Variants in MST1R observed in about 807,000 individuals in gnomAD.
MST1R encodes macrophage-stimulating protein receptor.
In MST1R, 99 loss-of-function variants were observed where a neutral mutation model predicts 117.8. That is an observed-to-expected ratio of 0.84 (90% CI 0.71 to 0.99). The LOEUF (loss-of-function observed/expected upper bound fraction) is 0.99, where lower values mean the gene tolerates loss of function less well. Among genes scored for constraint, MST1R ranks in the 50% least tolerant of loss-of-function variants. The pLI is 0.00. For missense variants in MST1R, 1,683 were observed against 1,840.2 expected (o/e 0.91, Z 1.56); for synonymous variants, 734 against 765.3 (o/e 0.96, Z 0.68).
chr3:49,891,916 C>G, intron 14 of MST1R, 78 bp from the exon 15 acceptor site: 1 of 1,192,834 alleles, frequency 8.4e-7, no homozygotes, highest in Non-Finnish European at 1.3e-6. Flanking sequence ...CATTGGCAAC[C>G]AGACCTCAGA....
At chr3:49,895,630 T>A in intron 12 of MST1R, 82 bp from the exon 13 acceptor site, 1 of 1,611,620 alleles carries the variant, frequency 6.2e-7, no homozygotes, top group Non-Finnish European at 8.5e-7. Context: ...GATCCCTAAG[T>A]CCTGGGCAGA....
At chr3:49,891,884 C>T (rs1196069218) in intron 14 of MST1R, 46 bp from the exon 15 acceptor site, 1 of 1,533,468 alleles carries the variant, frequency 6.5e-7, no homozygotes, top group Admixed American at 1.7e-5. Flanking sequence ...ATCCAGGGCC[C>T]AAGGCTCACA....
intron 5 of MST1R, 47 bp from the exon 6 acceptor site, chr3:49,897,732 C>A: frequency 1.3e-6 from 2 of 1,548,018 alleles, no homozygotes; most frequent in South Asian, 1.2e-5. Context: ...ATTACACAGG[C>A]CTAGATGCAT....
rs2082771397 is a variant in MST1R, at chr3:49,903,642, C to CGGCCTG, written c.-39_-34dup. 3 of 1,534,518 alleles carry CGGCCTG rather than the reference C, an allele frequency of 2.0e-6. No homozygotes were observed. Among genetic ancestry groups the CGGCCTG allele is most frequent in the East Asian group, 2.3e-5 (1 of 44,402 alleles). The stretch of plus-strand genomic sequence containing the variant: ...AGCTGGGACCCTAGAGGATCCCTAC[C>CGGCCTG]GGCCTGGGCCTGGACCTGGGCGTGG... On this transcript the variant is annotated 5_prime_UTR_variant, in exon 1 of 20. Transcript: ENST00000296474.
chr3:49,890,659 T>TA lies in MST1R; in HGVS notation c.3645-10dup. ...TGAATGACTCGTCCAGCCTTAGGGG[T>TA]AGGGAGAGGATCACACTTAGGACTG... On this transcript the variant is annotated splice_polypyrimidine_tract_variant and intron_variant, in intron 17 of 19. Coordinates refer to ENST00000296474, the MANE Select transcript of MST1R (RefSeq NM_002447.4). 6.2e-7 allele frequency: 1 copy of TA among 1,605,678 alleles called. No individual in the cohort carries two copies.
Position 49,887,078 on chromosome 3 carries a change from G to C in MST1R, c.*229C>G. Reference sequence around the variant, plus strand: ...GTGTGGTCACTGCTGAGTCCACTGTGCCCAGAAGACAGGGTCCACAGCAGG... The same window carrying C: ...GTGTGGTCACTGCTGAGTCCACTGTCCCCAGAAGACAGGGTCCACAGCAGG... On this transcript the variant is annotated 3_prime_UTR_variant, in exon 20 of 20. Coordinates refer to ENST00000296474, the MANE Select transcript of MST1R (RefSeq NM_002447.4). 4 of 608,520 alleles carry C rather than the reference G, an allele frequency of 6.6e-6. No individual in the cohort carries two copies. The highest frequency in any genetic ancestry group is 1.2e-5 in the Non-Finnish European group (4 of 345,162). 37.7% of individuals were successfully genotyped at this position (608,520 alleles called of 1,614,324 possible).
Position 49,887,137 on chromosome 3 carries a change from A to T in MST1R, c.*170T>A. The T allele has an allele frequency of 1.1e-6, 1 of 882,128 alleles. No individual in the cohort carries two copies. The highest frequency in any genetic ancestry group is 1.7e-6 in the Non-Finnish European group (1 of 572,436). The allele number at this position is 882,128 out of a possible 1,614,324, so 54.6% of individuals were successfully genotyped here. A position where few individuals can be genotyped will look rare whatever the true frequency, so the allele number is the denominator to read the frequency against. On this transcript the variant is annotated 3_prime_UTR_variant, in exon 20 of 20. Coordinates refer to ENST00000296474, the MANE Select transcript of MST1R (RefSeq NM_002447.4). The stretch of plus-strand genomic sequence containing the variant: ...AAATACATGTTGCAGGACTGCCCTC[A>T]CTGGCTCACTCTGTGGAGTGAGGGA...
intron 15 of MST1R, 68 bp from the exon 16 acceptor site, chr3:49,891,648 A>C (rs959254883): frequency 6.2e-7 from 1 of 1,609,496 alleles, no homozygotes; most frequent in Non-Finnish European, 8.5e-7. Flanking sequence ...GGGAAATGGG[A>C]AATGAAGGTC....
Position 49,898,703 on chromosome 3 carries a change from C to G in MST1R, c.1549-15G>C. ...ACCTGGAAAACCTGTGGGTGAAAGACAGGTGACTCAGGGGTGCCTGGAGGG... is the reference window on the plus strand; with the variant it reads ...ACCTGGAAAACCTGTGGGTGAAAGAGAGGTGACTCAGGGGTGCCTGGAGGG... On this transcript the variant is annotated splice_polypyrimidine_tract_variant and intron_variant, in intron 3 of 19. Transcript: ENST00000296474. The G allele has an allele frequency of 6.2e-7, 1 of 1,613,432 alleles. No homozygotes were observed. Among genetic ancestry groups the G allele is most frequent in the Non-Finnish European group, 8.5e-7 (1 of 1,179,640 alleles).
chr3:49,895,009 C>T (rs2082419688), intron 14 of MST1R, among the ~76,000 whole-genome samples, 158 bp downstream of exon 14: 2 of 152,110 alleles, frequency 1.3e-5, no homozygotes, highest in South Asian at 2.1e-4. Flanking sequence ...GACGGGGTTT[C>T]ACTGTGTTAG....
At chr3:49,891,973 T>C in intron 14 of MST1R, 135 bp from the exon 15 acceptor site, 1 of 648,938 alleles carries the variant, frequency 1.5e-6, no homozygotes, top group Admixed American at 3.2e-5. Context: ...TAATTTTTAT[T>C]TATTTTTTTT....
intron 1 of MST1R, among the ~76,000 whole-genome samples, chr3:49,899,948 G>A (rs1046647705): frequency 6.6e-6 from 1 of 152,124 alleles, no homozygotes; most frequent in Non-Finnish European, 1.5e-5. Flanking sequence ...AGACCCTCAA[G>A]AGGAGAGCCC....
rs765385133 is a variant in MST1R at position 49,895,315 on chromosome 3, G to A, written c.3123C>T (p.Ser1041=). Residue 1041 remains serine, a synonymous_variant, in exon 14 of 20, where the codon TCC becomes TCT. Coordinates refer to ENST00000296474, the MANE Select transcript of MST1R (RefSeq NM_002447.4). ...STTCVHGASF[S]DSEDESCVPL... is the part of the protein sequence containing the mutation. ...GCACACAGGATTCATCTTCACTATC[G>A]GAGAAGGATGCTCCATGGACACAAG... 2.5e-5 allele frequency: 40 copies of A among 1,614,082 alleles called. No homozygotes were observed. Among genetic ancestry groups the A allele is most frequent in the Middle Eastern group, 1.6e-4 (1 of 6,084 alleles).
Position 49,903,059 on chromosome 3 carries a change from G to T in MST1R, c.551C>A (p.Thr184Asn). The T allele has an allele frequency of 1.2e-6, 2 of 1,610,278 alleles. No homozygotes were observed. Among genetic ancestry groups the T allele is most frequent in the South Asian group, 1.1e-5 (1 of 91,088 alleles). Residue 184 changes from threonine to asparagine, a missense_variant, in exon 1 of 20, where the codon ACC (threonine) becomes AAC (asparagine). Thr to Asn is a moderately conservative substitution (Grantham distance 65). Transcript: ENST00000296474. ...GCCTTGCTCAACCACAGTTACACGGGTGCCCAATGGGCTGGCCACACAGTC... is the reference window on the plus strand; with the variant it reads ...GCCTTGCTCAACCACAGTTACACGGTTGCCCAATGGGCTGGCCACACAGTC... ...CPDCVASPLGTRVTVVEQGQA... is the reference protein window; with the variant it reads ...CPDCVASPLGNRVTVVEQGQA...
rs1382976247 is a variant in MST1R, at chr3:49,902,681, C to T, written c.929G>A (p.Gly310Glu). 1.1e-5 allele frequency: 18 copies of T among 1,613,316 alleles called. No individual in the cohort carries two copies. The highest frequency in any genetic ancestry group is 1.4e-5 in the Non-Finnish European group (17 of 1,180,026). ...GTAGGGCTGTCCGCCTTCTGGGGCCCCCCGGCGCCTGCGTTTTGGAGCAAA... is the reference window on the plus strand; with the variant it reads ...GTAGGGCTGTCCGCCTTCTGGGGCCTCCCGGCGCCTGCGTTTTGGAGCAAA... ...CRFAPKRRRRGAPEGGQPYPV... is the reference protein window; with the variant it reads ...CRFAPKRRRREAPEGGQPYPV... The change falls in exon 1 of 20, where the codon GGG becomes GAG. Residue 310 changes from glycine (G) to glutamate (E), a missense_variant. Physicochemically the swap from Gly to Glu is moderately conservative, Grantham distance 98. Coordinates refer to ENST00000296474, the MANE Select transcript of MST1R (RefSeq NM_002447.4).
At chr3:49,894,011 C>T (rs1350237102) in intron 14 of MST1R, among the ~76,000 whole-genome samples, 27 of 149,832 alleles carry the variant, frequency 1.8e-4, no homozygotes, top group Admixed American at 1.5e-3. Flanking sequence ...GTCAGGAGTT[C>T]GAGACCGGCC....
Position 49,896,065 on chromosome 3 carries a change from C to T in MST1R, c.2692G>A (p.Val898Met), listed in dbSNP as rs1031624199. The T allele has an allele frequency of 1.1e-5, 17 of 1,611,500 alleles. 1 individual carries two copies. Among genetic ancestry groups the T allele is most frequent in the South Asian group, 5.5e-5 (5 of 90,672 alleles). ...TGGCAGCTCTCACCACCCACGGTCA[C>T]GTTGATACCCACACAGTCAGCCACA... is the stretch of plus-strand genomic sequence containing the variant. ...GAVADCVGINVTVGGESCQHE... is the reference protein window; with the variant it reads ...GAVADCVGINMTVGGESCQHE... Residue 898 changes from valine to methionine, a missense_variant, in exon 11 of 20, where the codon GTG becomes ATG. Physicochemically the swap from Val to Met is conservative, Grantham distance 21 (BLOSUM62 1). Coordinates refer to ENST00000296474, the MANE Select transcript of MST1R (RefSeq NM_002447.4).
rs1171048505 is a variant in MST1R at position 49,898,041 on chromosome 3, C to T, written c.1880+10G>A. 2 of 1,613,962 alleles carry T rather than the reference C, an allele frequency of 1.2e-6. No individual in the cohort carries two copies. Among genetic ancestry groups the T allele is most frequent in the Non-Finnish European group, 1.7e-6 (2 of 1,180,042 alleles). On this transcript the variant is annotated intron_variant, in intron 5 of 19. Transcript: ENST00000296474. ...CTTCAGGGAAAGGGAGGGGAGGGAC[C>T]AGATTGTACCTGAGTTTTGAGCTGT...
Position 49,902,938 on chromosome 3 carries a change from G to A in MST1R, c.672C>T (p.Asp224=), listed in dbSNP as rs201910184. The change falls in exon 1 of 20, where the codon GAC becomes GAT. Residue 224 remains aspartate, a synonymous_variant. Coordinates refer to ENST00000296474, the MANE Select transcript of MST1R (RefSeq NM_002447.4). ...RSVSIRRLKA[D]ASGFAPGFVA... ...CAAAGCCCGGTGCGAATCCCGAGGCGTCAGCCTTGAGACGCCTGATAGACA... is the reference window on the plus strand; with the variant it reads ...CAAAGCCCGGTGCGAATCCCGAGGCATCAGCCTTGAGACGCCTGATAGACA... 265 of 1,613,274 alleles carry A rather than the reference G, an allele frequency of 1.6e-4. No homozygotes were observed. Among genetic ancestry groups the A allele is most frequent in the Non-Finnish European group, 2.1e-4 (251 of 1,180,030 alleles).
Sources: gnomAD v4.1 joint callset for allele counts (sites outside exome capture counted in the v4.1 genomes callset) on GRCh38, gnomAD v4.1.1 for gene constraint, MANE v1.5 for transcripts, NCBI Gene and HGNC (gene_info 2026-07-23, HGNC 2026-07-21) for gene names.